TULP4: variants seen among roughly 807,000 people sequenced by gnomAD.
The protein encoded by TULP4 is tubby-related protein 4.
TULP4 carries 16 observed loss-of-function variants against 129.0 expected under a neutral mutation model. The observed-to-expected ratio is 0.12, with a 90% CI of 0.08 to 0.19. The LOEUF (loss-of-function observed/expected upper bound fraction) is 0.19, where lower values mean the gene tolerates loss of function less well. Among genes scored for constraint, TULP4 ranks in the 10% least tolerant of loss-of-function variants. The pLI is 1.00. For synonymous variants in TULP4, 998 were observed against 854.0 expected (o/e 1.17, Z -2.94); for missense variants, 1,842 against 2,059.1 (o/e 0.89, Z 2.04).
intron 2 of TULP4, among the ~76,000 whole-genome samples, chr6:158,415,242 A>G (rs1408952894): frequency 2.6e-5 from 4 of 152,194 alleles, no homozygotes; most frequent in African/African-American, 7.2e-5. Context: ...CCAGCTGTAT[A>G]AAAGTATAGC....
At chr6:158,486,589 C>T (rs530315951) in intron 8 of TULP4, among the ~76,000 whole-genome samples, 1 of 152,070 alleles carries the variant, frequency 6.6e-6, no homozygotes, top group African/African-American at 2.4e-5. Flanking sequence ...TCTTCATGCA[C>T]ATACACTGAG....
chr6:158,323,530 A>G (rs1020785691), intron 1 of TULP4, among the ~76,000 whole-genome samples: 2 of 36,984 alleles, frequency 5.4e-5, no homozygotes, highest in Non-Finnish European at 1.5e-4. Context: ...GTAGCATGCT[A>G]GGTGACCACA....
chr6:158,243,451 TC>T (rs371809587), intron 1 of TULP4, among the ~76,000 whole-genome samples: 1 of 106,520 alleles, frequency 9.4e-6, no homozygotes, highest in East Asian at 3.2e-4. Flanking sequence ...TTATATCATA[TC>T]ATATATATAT....
At chr6:158,260,948 G>A (rs1215541246) in intron 1 of TULP4, among the ~76,000 whole-genome samples, 1 of 151,640 alleles carries the variant, frequency 6.6e-6, no homozygotes, top group African/African-American at 2.4e-5. Flanking sequence ...AGCCTCCCGA[G>A]TAGCTGGGAT....
In TULP4 at chr6:158,498,809, C is replaced by T. The variant is rs1490040503; in HGVS notation, c.2011C>T (p.Pro671Ser). 2 of 1,614,126 alleles carry T rather than the reference C, an allele frequency of 1.2e-6. No individual in the cohort carries two copies. The highest frequency in any genetic ancestry group is 1.7e-6 in the Non-Finnish European group (2 of 1,179,988). ...NVFSEDEDDL[P>S]VTGASGVPEN... ...TTTCAGTGAAGATGAAGATGATTTA[C>T]CAGGTGTGTTCACATACATCAACGT... The change falls in exon 12 of 14, where the codon CCA (proline) becomes TCA (serine). Residue 671 changes from proline (P) to serine (S), a missense_variant. Coordinates refer to ENST00000367097, the MANE Select transcript of TULP4 (RefSeq NM_020245.5).
chr6:158,325,304 C>T (rs1459214659), intron 1 of TULP4, among the ~76,000 whole-genome samples: 1 of 150,840 alleles, frequency 6.6e-6, no homozygotes, highest in African/African-American at 2.4e-5. Context: ...GAGCCTAACT[C>T]TTAATTGTAG....
upstream of TULP4, among the ~76,000 whole-genome samples, chr6:158,307,817 G>C (rs1338798357): frequency 6.6e-6 from 1 of 151,888 alleles, no homozygotes; most frequent in Non-Finnish European, 1.5e-5. Flanking sequence ...GAAAATATTG[G>C]TTTACCAAGT....
At chr6:158,295,136 A>G (rs1488560888) in intron 1 of TULP4, among the ~76,000 whole-genome samples, 1 of 152,152 alleles carries the variant, frequency 6.6e-6, no homozygotes, top group Non-Finnish European at 1.5e-5. Context: ...TTCATCTGAC[A>G]CGTGTATATT....
At chr6:158,235,915 A>G (rs1777685112) in intron 1 of TULP4, among the ~76,000 whole-genome samples, 1 of 152,078 alleles carries the variant, frequency 6.6e-6, no homozygotes, top group Admixed American at 6.6e-5. Flanking sequence ...ATGCATAGAA[A>G]CTCTTTAAAA....
At chr6:158,480,011 C>T in intron 7 of TULP4, 36 bp downstream of exon 7, 3 of 1,512,684 alleles carry the variant, frequency 2.0e-6, no homozygotes, top group Non-Finnish European at 2.7e-6. Context: ...CCTCCTCCCT[C>T]ACCTGTGCTG....
chr6:158,264,678 G>A (rs543879095), intron 1 of TULP4, among the ~76,000 whole-genome samples: 16 of 152,080 alleles, frequency 1.1e-4, no homozygotes, highest in Non-Finnish European at 1.6e-4. Flanking sequence ...TTTAAAAGCC[G>A]GTGATATTTC....
chr6:158,467,718 C>T (rs551899306), intron 6 of TULP4, among the ~76,000 whole-genome samples: 1 of 152,312 alleles, frequency 6.6e-6, no homozygotes, highest in East Asian at 1.9e-4. Flanking sequence ...CATAATCTGG[C>T]CCTCCATCCC....
At chr6:158,288,938 C>T (rs1475831990) in intron 1 of TULP4, among the ~76,000 whole-genome samples, 1 of 152,202 alleles carries the variant, frequency 6.6e-6, no homozygotes, top group Admixed American at 6.5e-5. Context: ...CTAATAACCT[C>T]TTAGAACTAG....
chr6:158,384,375 C>T (rs754162314), intron 1 of TULP4, among the ~76,000 whole-genome samples: 9 of 151,802 alleles, frequency 5.9e-5, no homozygotes, highest in Non-Finnish European at 1.2e-4. Flanking sequence ...GCAAGCTCCA[C>T]CTCCTGGGTT....
At chr6:158,394,786 CAAAAAAAAAAAAAAAA>C (rs71030166) in intron 1 of TULP4, among the ~76,000 whole-genome samples, 4 of 46,020 alleles carry the variant, frequency 8.7e-5, no homozygotes, top group East Asian at 1.5e-3. Context: ...GGCTCTGTCT[CAAAAAAAAAAAAAAAA>C]AAAAAAAAAA....
rs549745527 is a variant in TULP4, at chr6:158,444,565, TG to T, written c.544-4429del. On this transcript the variant is annotated intron_variant, in intron 3 of 13. Transcript: ENST00000367097. ...TTATTGAAGTTGACATTTCCCAACA[TG>T]GTTTTATTCAACAATTTAGATGTGT... Among the ~76,000 whole-genome samples the T allele has an allele frequency of 2.3e-3, 344 of 152,294 alleles. 1 individual carries two copies. The highest frequency in any genetic ancestry group is 7.7e-3 in the African/African-American group (318 of 41,550).
At chr6:158,309,340 G>A (rs1446759565), upstream of TULP4, among the ~76,000 whole-genome samples, 2 of 145,196 alleles carry the variant, frequency 1.4e-5, no homozygotes, top group Non-Finnish European at 3.0e-5. Context: ...ATGGGCAGCC[G>A]GGCAGAGACG....
chr6:158,493,863 A>C lies in TULP4; in HGVS notation c.1776+146A>C. On this transcript the variant is annotated intron_variant, in intron 10 of 13. Transcript: ENST00000367097. The surrounding 1 kb of genome is among the most constrained non-coding windows in gnomAD (Gnocchi z 4.4). ...CATCCTGCACACCACCTACTACCTCAGGAGTAGCCCTCAGGTGGAGCTCTG... is the reference window on the plus strand; with the variant it reads ...CATCCTGCACACCACCTACTACCTCCGGAGTAGCCCTCAGGTGGAGCTCTG... 7.9e-6 allele frequency: 7 copies of C among 891,374 alleles called. No individual in the cohort carries two copies. The highest frequency in any genetic ancestry group is 1.1e-5 in the Non-Finnish European group (7 of 633,542). The allele number at this position is 891,374 out of a possible 1,614,324, so 55.2% of individuals were successfully genotyped here. A position where few individuals can be genotyped will look rare whatever the true frequency, so the allele number is the denominator to read the frequency against.
At chr6:158,441,206 C>T (rs1013308803) in intron 3 of TULP4, among the ~76,000 whole-genome samples, 1 of 151,812 alleles carries the variant, frequency 6.6e-6, no homozygotes, top group Non-Finnish European at 1.5e-5. Flanking sequence ...CCCAGCTAGT[C>T]GGGAGGCTGA....
Sources: gnomAD v4.1 joint callset for allele counts (sites outside exome capture counted in the v4.1 genomes callset) on GRCh38, gnomAD v4.1.1 for gene constraint, Gnocchi (gnomAD v3.1) non-coding constraint, MANE v1.5 for transcripts, NCBI Gene and HGNC (gene_info 2026-07-23, HGNC 2026-07-21) for gene names.